AGBL1: variants seen among roughly 807,000 people sequenced by gnomAD.
The protein encoded by AGBL1 is AGBL carboxypeptidase 1.
AGBL1 carries 130 observed loss-of-function variants against 118.9 expected under a neutral mutation model. The observed-to-expected ratio is 1.09, with a 90% CI of 0.95 to 1.26. AGBL1 has a LOEUF of 1.26. Among genes scored for constraint, AGBL1 ranks in the 50% most tolerant of loss-of-function variants. AGBL1 has a pLI of 0.00. For missense variants in AGBL1, 1,584 were observed against 1,298.1 expected (o/e 1.22, Z -3.38); for synonymous variants, 555 against 478.9 (o/e 1.16, Z -2.08).
At chr15:86,175,661 C>T (rs62013760) in intron 5 of AGBL1, among the ~76,000 whole-genome samples, 3,873 of 152,194 alleles carry the variant, frequency 0.025, 60 homozygotes, top group Middle Eastern at 0.048. Context: ...CTTAGCACCA[C>T]TTTTACTGTA....
At chr15:86,904,225 T>A (rs2080250792) in intron 22 of AGBL1, among the ~76,000 whole-genome samples, 1 of 152,184 alleles carries the variant, frequency 6.6e-6, no homozygotes, top group Admixed American at 6.5e-5. Context: ...CTAGAGTATG[T>A]GAGGCCCAAA....
chr15:86,896,403 A>T (rs966645962), intron 22 of AGBL1, among the ~76,000 whole-genome samples: 4 of 152,030 alleles, frequency 2.6e-5, no homozygotes, highest in Non-Finnish European at 5.9e-5. Context: ...GGTTTAAAAA[A>T]AAAAAAATAC....
At chr15:86,339,151 C>T (rs903350794) in intron 17 of AGBL1, among the ~76,000 whole-genome samples, 7 of 152,102 alleles carry the variant, frequency 4.6e-5, no homozygotes, top group African/African-American at 1.7e-4. Flanking sequence ...AAGTCCTTTT[C>T]TTTCAGCACT....
rs565935414 is a variant in AGBL1 at position 86,193,479 on chromosome 15, T to C, written c.489-31435T>C. Reference sequence around the variant, plus strand: ...TGTCACTCTGGCCCACTTGTGTCTTTTTCTGATTTTGACCCCGCAGCCCAC... The same window carrying C: ...TGTCACTCTGGCCCACTTGTGTCTTCTTCTGATTTTGACCCCGCAGCCCAC... On this transcript the variant is annotated intron_variant, in intron 5 of 22. Transcript: ENST00000614907. 5.9e-5 allele frequency among the ~76,000 whole-genome samples: 9 copies of C among 152,256 alleles called. No homozygotes were observed. In the South Asian group the frequency reaches 1.7e-3, roughly 28 times the overall value.
intron 18 of AGBL1, among the ~76,000 whole-genome samples, chr15:86,492,335 T>C (rs2082791466): frequency 6.6e-6 from 1 of 151,892 alleles, no homozygotes; most frequent in South Asian, 2.1e-4. Context: ...GTATGGCTCA[T>C]AGGAGTAGCA....
chr15:86,923,928 C>T (rs1481986933), intron 23 of AGBL1, among the ~76,000 whole-genome samples: 1 of 152,126 alleles, frequency 6.6e-6, no homozygotes. Flanking sequence ...CCCATGAGGC[C>T]ATGATATCAT....
chr15:86,644,578 C>T (rs1226358563), intron 21 of AGBL1, among the ~76,000 whole-genome samples: 1 of 149,030 alleles, frequency 6.7e-6, no homozygotes, highest in Admixed American at 6.7e-5. Context: ...TTTCATTCAA[C>T]ATTAGATTTG....
chr15:86,154,150 A>G (rs1373233360), intron 3 of AGBL1, among the ~76,000 whole-genome samples: 1 of 152,178 alleles, frequency 6.6e-6, no homozygotes, highest in African/African-American at 2.4e-5. Context: ...TTTATTCCCA[A>G]TTGAACTGTG....
At position 86,391,699 on chromosome 15, in the gene AGBL1, A is replaced by C. The variant is rs190448173; in HGVS notation, c.2375-5667A>C. ...TCCATAGCATACAAGATTGTTCCCA[A>C]ACCCTTAGTATGCCCCAGAAAGGGC... is the stretch of plus-strand genomic sequence containing the variant. On this transcript the variant is annotated intron_variant, in intron 17 of 22. Transcript: ENST00000614907. Among the ~76,000 whole-genome samples, 54 of 134,238 alleles carry C rather than the reference A, an allele frequency of 4.0e-4. 1 individual carries two copies. The highest frequency in any genetic ancestry group is 1.5e-3 in the African/African-American group (52 of 33,958). 88.1% of individuals were successfully genotyped at this position (134,238 alleles called of 152,430 possible). A position where few individuals can be genotyped will look rare whatever the true frequency, so the allele number is the denominator to read the frequency against.
chr15:86,491,851 G>T (rs2082783381), intron 18 of AGBL1, among the ~76,000 whole-genome samples: 1 of 151,640 alleles, frequency 6.6e-6, no homozygotes, highest in Non-Finnish European at 1.5e-5. Context: ...CTAAGTTCTG[G>T]CTGTGTGTGG....
intron 22 of AGBL1, among the ~76,000 whole-genome samples, chr15:86,861,548 T>A (rs1407137697): frequency 6.6e-6 from 1 of 152,202 alleles, no homozygotes; most frequent in East Asian, 1.9e-4. Flanking sequence ...TTATTATGAG[T>A]GTGACCTTGG....
At chr15:86,402,883 G>A (rs1001145880) in intron 18 of AGBL1, among the ~76,000 whole-genome samples, 1 of 151,780 alleles carries the variant, frequency 6.6e-6, no homozygotes, top group Non-Finnish European at 1.5e-5. Context: ...GTTATGTTAA[G>A]TTCAAAAACA....
intron 10 of AGBL1, among the ~76,000 whole-genome samples, chr15:86,263,499 G>T (rs1010643015): frequency 6.6e-6 from 1 of 152,220 alleles, no homozygotes; most frequent in Non-Finnish European, 1.5e-5. Flanking sequence ...ACTGCCTATT[G>T]TCTGGTGGGC....
intron 21 of AGBL1, among the ~76,000 whole-genome samples, chr15:86,629,043 T>C (rs1314916090): frequency 1.3e-5 from 2 of 152,060 alleles, no homozygotes; most frequent in Non-Finnish European, 2.9e-5. Flanking sequence ...TACCATAGCT[T>C]CTTATTAGCT....
At chr15:86,331,231 A>G (rs1459583396) in intron 17 of AGBL1, among the ~76,000 whole-genome samples, 3 of 151,816 alleles carry the variant, frequency 2.0e-5, no homozygotes. Context: ...CTCAAAAAAA[A>G]AAAAAAAAAA....
chr15:86,319,999 C>T (rs1204692238), intron 17 of AGBL1, among the ~76,000 whole-genome samples: 6 of 151,972 alleles, frequency 3.9e-5, no homozygotes, highest in African/African-American at 7.2e-5. Context: ...TCAGGTGATC[C>T]GCCTGCCTTG....
intron 22 of AGBL1, among the ~76,000 whole-genome samples, chr15:86,802,696 A>T (rs943693966): frequency 2.6e-5 from 4 of 152,178 alleles, no homozygotes; most frequent in Non-Finnish European, 5.9e-5. Context: ...ACAAACATGA[A>T]ATCTCAATAT....
intron 18 of AGBL1, among the ~76,000 whole-genome samples, chr15:86,406,347 T>G (rs1567240438): frequency 6.6e-6 from 1 of 152,208 alleles, no homozygotes; most frequent in Non-Finnish European, 1.5e-5. Flanking sequence ...ATTTACCGAG[T>G]GCTCAACATG....
chr15:86,846,968 TTC>T (rs2079328643), intron 22 of AGBL1, among the ~76,000 whole-genome samples: 1 of 152,230 alleles, frequency 6.6e-6, no homozygotes, highest in Admixed American at 6.5e-5. Flanking sequence ...TTACTTTTTA[TTC>T]TCTGTTCTTC....
Sources: allele counts gnomAD v4.1 joint callset (sites outside exome capture counted in the v4.1 genomes callset), GRCh38; gene constraint gnomAD v4.1.1; transcripts MANE v1.5; gene names NCBI Gene and HGNC (gene_info 2026-07-23, HGNC 2026-07-21).